Variants in DLG2 observed in about 807,000 individuals in gnomAD.
The protein encoded by DLG2 is discs large MAGUK scaffold protein 2.
A neutral mutation model predicts 132.5 loss-of-function variants in DLG2; 45 were observed. The observed-to-expected ratio is 0.34, with a 90% CI of 0.27 to 0.44. DLG2 has a LOEUF of 0.44. DLG2 is among the 20% of genes least tolerant of loss of function. The pLI, the probability that DLG2 is intolerant of heterozygous loss-of-function variation, is 1.00. For missense variants in DLG2, 1,045 were observed against 1,196.9 expected, an observed-to-expected ratio of 0.87 and a Z score of 1.87; for synonymous variants, 424 against 419.6, an observed-to-expected ratio of 1.01 and a Z score of -0.13.
At position 83,756,596 on chromosome 11, in the gene DLG2, T is replaced by C. The variant is rs578075551; in HGVS notation, c.1825+30094A>G. Among the ~76,000 whole-genome samples, 260 of 151,568 alleles carry C rather than the reference T, an allele frequency of 1.7e-3. 4 individuals are homozygous for C. The highest frequency in any genetic ancestry group is 2.8e-3 in the Non-Finnish European group (192 of 68,030). The stretch of plus-strand genomic sequence containing the variant: ...ATCTTTATTTCTCAGATTCCTCATC[T>C]GAAAGAAGGAGATAATAACCTCATA... On this transcript the variant is annotated intron_variant, in intron 18 of 27. Transcript: ENST00000376104.
At chr11:85,303,121 A>G (rs1227391754) in intron 3 of DLG2, among the ~76,000 whole-genome samples, 2 of 152,218 alleles carry the variant, frequency 1.3e-5, no homozygotes, top group Admixed American at 6.5e-5. Flanking sequence ...TTTAGGCTTC[A>G]TACAATGTTT....
At chr11:83,647,474 A>T (rs1432912602) in intron 18 of DLG2, 1 of 152,080 alleles carries the variant, frequency 6.6e-6, no homozygotes, top group African/African-American at 2.4e-5. Flanking sequence ...TGCTCCTTTT[A>T]AAACTTCTAA....
intron 3 of DLG2, among the ~76,000 whole-genome samples, chr11:85,365,697 T>C (rs904036089): frequency 6.6e-6 from 1 of 152,094 alleles, no homozygotes; most frequent in African/African-American, 2.4e-5. Flanking sequence ...TGTCCATCAG[T>C]GATAGTCTGG....
intron 6 of DLG2, among the ~76,000 whole-genome samples, chr11:84,733,281 T>C (rs1275910865): frequency 6.6e-6 from 1 of 152,220 alleles, no homozygotes; most frequent in African/African-American, 2.4e-5. Flanking sequence ...TTCCTATTTC[T>C]GCACATCCTC....
At chr11:83,701,740 AAAC>A (rs920005575) in intron 18 of DLG2, among the ~76,000 whole-genome samples, 1 of 152,252 alleles carries the variant, frequency 6.6e-6, no homozygotes, top group African/African-American at 2.4e-5. Flanking sequence ...ATTCAGGACA[AAAC>A]AACAGGAAGA....
intron 6 of DLG2, among the ~76,000 whole-genome samples, chr11:84,746,576 T>G (rs939041137): frequency 2.0e-5 from 3 of 152,116 alleles, no homozygotes; most frequent in African/African-American, 7.2e-5. Flanking sequence ...ATGAGGCTAA[T>G]GAAAAGAATG....
intron 18 of DLG2, among the ~76,000 whole-genome samples, chr11:83,686,489 G>T (rs1411838592): frequency 5.9e-5 from 9 of 152,152 alleles, no homozygotes; most frequent in Admixed American, 1.3e-4. Flanking sequence ...TAAGCTCCAT[G>T]AGGCCAGGGT....
At chr11:84,456,858 T>C (rs1197278051) in intron 7 of DLG2, among the ~76,000 whole-genome samples, 1 of 151,310 alleles carries the variant, frequency 6.6e-6, no homozygotes, top group Non-Finnish European at 1.5e-5. Context: ...TTGTAGATGC[T>C]CATCAAATAT....
intron 3 of DLG2, among the ~76,000 whole-genome samples, chr11:85,517,569 G>A (rs1170574487): frequency 6.6e-6 from 1 of 151,658 alleles, no homozygotes; most frequent in Non-Finnish European, 1.5e-5. Flanking sequence ...AAATGTTCAG[G>A]ATACAAAATC....
At chr11:83,899,037 T>C (rs1389505709) in intron 15 of DLG2, among the ~76,000 whole-genome samples, 1 of 150,968 alleles carries the variant, frequency 6.6e-6, no homozygotes, top group Admixed American at 6.6e-5. Context: ...GCTGAATTTA[T>C]ACTGTCTGTG....
intron 9 of DLG2, among the ~76,000 whole-genome samples, chr11:84,157,437 T>A (rs1051685926): frequency 1.1e-4 from 17 of 152,278 alleles, no homozygotes; most frequent in Non-Finnish European, 2.1e-4. Context: ...TTTAAAAAAA[T>A]TTTATTTTTT....
chr11:85,066,924 T>C (rs2065015211), intron 6 of DLG2, among the ~76,000 whole-genome samples: 1 of 151,762 alleles, frequency 6.6e-6, no homozygotes. Context: ...TTAGAAGTCC[T>C]AGTTAGAGCC....
intron 7 of DLG2, among the ~76,000 whole-genome samples, chr11:84,368,351 T>G (rs1157209580): frequency 6.6e-6 from 1 of 152,172 alleles, no homozygotes; most frequent in Non-Finnish European, 1.5e-5. Flanking sequence ...TTAAAATTAC[T>G]AATAAAAACA....
chr11:85,276,643 A>G (rs2077909169), intron 4 of DLG2, among the ~76,000 whole-genome samples: 1 of 152,140 alleles, frequency 6.6e-6, no homozygotes, highest in South Asian at 2.1e-4. Context: ...TATCTTCAGA[A>G]TCTTACCTAG....
intron 6 of DLG2, among the ~76,000 whole-genome samples, chr11:84,910,437 A>AT (rs543025894): frequency 2.9e-4 from 44 of 152,130 alleles, no homozygotes; most frequent in African/African-American, 7.7e-4. Flanking sequence ...AGACAGAATG[A>AT]TTTTTTTTAC....
chr11:85,384,907 T>C (rs2086201839), intron 3 of DLG2, among the ~76,000 whole-genome samples: 1 of 152,214 alleles, frequency 6.6e-6, no homozygotes, highest in African/African-American at 2.4e-5. Flanking sequence ...TCCTCGTTTG[T>C]AAATTGAAGA....
chr11:84,920,407 CT>C, intron 6 of DLG2, among the ~76,000 whole-genome samples: 1 of 152,142 alleles, frequency 6.6e-6, no homozygotes, highest in Non-Finnish European at 1.5e-5. Context: ...ACAGCAAAAC[CT>C]TTCTTGATTA....
intron 7 of DLG2, among the ~76,000 whole-genome samples, chr11:84,385,679 A>G (rs536641530): frequency 2.0e-5 from 3 of 152,208 alleles, no homozygotes; most frequent in Admixed American, 2.0e-4. Context: ...CATAATAGAC[A>G]TTTGAGTGAT....
intron 6 of DLG2, among the ~76,000 whole-genome samples, chr11:84,793,551 G>A (rs553695203): frequency 6.6e-6 from 1 of 152,224 alleles, no homozygotes; most frequent in African/African-American, 2.4e-5. Flanking sequence ...ATTTAGCTCT[G>A]ATGAATATTT....
Sources: gnomAD v4.1 joint callset for allele counts (sites outside exome capture counted in the v4.1 genomes callset) on GRCh38, gnomAD v4.1.1 for gene constraint, MANE v1.5 for transcripts, NCBI Gene and HGNC (gene_info 2026-07-23, HGNC 2026-07-21) for gene names.